The following CD244 variants were observed in gnomAD, a reference collection of about 807,000 sequenced individuals.
CD244 encodes CD244 molecule, also known as natural killer cell receptor 2B4.
CD244 carries 20 observed loss-of-function variants against 45.5 expected under a neutral mutation model. The ratio of observed to expected loss-of-function variants is 0.44; its 90% CI spans 0.31 to 0.64. The LOEUF (loss-of-function observed/expected upper bound fraction) is 0.64. Ranked by LOEUF, CD244 falls within the 30% of genes least tolerant of loss-of-function variation. The probability of loss-of-function intolerance (pLI) is 0.08; values close to 1 mark genes in which losing one functional copy is unlikely to be tolerated. For synonymous variants in CD244, 185 were observed against 160.5 expected, an observed-to-expected ratio of 1.15 and a Z score of -1.15; for missense variants, 407 against 426.9, an observed-to-expected ratio of 0.95 and a Z score of 0.41.
At chr1:160,841,157 G>C in intron 3 of CD244, 53 bp downstream of exon 3, 2 of 1,563,266 alleles carry the variant, frequency 1.3e-6, no homozygotes, top group Admixed American at 3.4e-5. Context: ...CATGAGCCTG[G>C]TTGCGGGGTC....
chr1:160,841,875 C>T lies in CD244; in HGVS notation c.88G>A (p.Val30Ile), dbSNP rs755510845. Residue 30 changes from valine to isoleucine, a missense_variant, in exon 2 of 9, where the codon GTT (valine) becomes ATT (isoleucine). By Grantham distance (29) the Val-to-Ile change is conservative. Coordinates refer to ENST00000368034, the MANE Select transcript of CD244 (RefSeq NM_016382.4). ...TGAAGAGGCACTCCCGAGATGCTAACCACATGGTCAGCTGATCCCTGGCAT... is the reference window on the plus strand; with the variant it reads ...TGAAGAGGCACTCCCGAGATGCTAATCACATGGTCAGCTGATCCCTGGCAT... ...KGCQGSADHV[V>I]SISGVPLQLQ... The T allele has an allele frequency of 6.2e-7, 1 of 1,614,070 alleles. No individual in the cohort carries two copies. Among genetic ancestry groups the T allele is most frequent in the East Asian group, 2.2e-5 (1 of 44,882 alleles).
At chr1:160,839,850 GT>G (rs1313115086) in intron 3 of CD244, among the ~76,000 whole-genome samples, 3 of 152,102 alleles carry the variant, frequency 2.0e-5, no homozygotes, top group Admixed American at 1.3e-4. Context: ...CAAGTTTTCC[GT>G]CTCACTTTTC....
At position 160,862,832 on chromosome 1, in the gene CD244, C is replaced by T. The variant is rs181763130; in HGVS notation, c.-155G>A. On this transcript the variant is annotated 5_prime_UTR_variant, in exon 1 of 9. Coordinates refer to ENST00000368034, the MANE Select transcript of CD244 (RefSeq NM_016382.4). ...AGTTTCCTCAATTAGAGGCTGTTAA[C>T]GCCTGCTGTGAGCTGACAAGGCCAC... The T allele has an allele frequency of 3.0e-3, 1,720 of 582,134 alleles. 5 individuals carry two copies. Among genetic ancestry groups the T allele is most frequent in the Middle Eastern group, 7.5e-3 (16 of 2,122 alleles). 36.1% of individuals were successfully genotyped at this position (582,134 alleles called of 1,614,324 possible). A position where few individuals can be genotyped will look rare whatever the true frequency, so the allele number is the denominator to read the frequency against.
rs376343007 is a variant in CD244 at position 160,854,497 on chromosome 1, C to T, written c.61+8120G>A. 5.3e-4 allele frequency among the ~76,000 whole-genome samples: 81 copies of T among 152,078 alleles called. 1 individual carries two copies. The South Asian group carries it at 0.016, about 29-fold the overall frequency. ...TCCCAGGTTCAAGTGATTCTCCTGT[C>T]TCAGCCTCATGAGTAACTGGGACTA... On this transcript the variant is annotated intron_variant, in intron 1 of 8. Coordinates refer to ENST00000368034, the MANE Select transcript of CD244 (RefSeq NM_016382.4).
At position 160,857,017 on chromosome 1, in the gene CD244, T is replaced by G. The variant is rs563749302; in HGVS notation, c.61+5600A>C. Among the ~76,000 whole-genome samples the G allele has an allele frequency of 1.8e-4, 27 of 152,322 alleles. No individual in the cohort carries two copies. The South Asian group carries it at 5.6e-3, about 32-fold the overall frequency. On this transcript the variant is annotated intron_variant, in intron 1 of 8. Transcript: ENST00000368034. ...AAGGGCTTCATGAATCCGTTTAAATTAATTAATTCAACAATGCATCTCACA... is the reference window on the plus strand; with the variant it reads ...AAGGGCTTCATGAATCCGTTTAAATGAATTAATTCAACAATGCATCTCACA...
At chr1:160,856,403 A>T (rs1162447660) in intron 1 of CD244, among the ~76,000 whole-genome samples, 1 of 152,112 alleles carries the variant, frequency 6.6e-6, no homozygotes, top group Non-Finnish European at 1.5e-5. Context: ...TAACAAGTGC[A>T]TCTCCCTTTC....
chr1:160,845,635 C>A (rs1469937178), intron 1 of CD244, among the ~76,000 whole-genome samples: 1 of 152,158 alleles, frequency 6.6e-6, no homozygotes, highest in Non-Finnish European at 1.5e-5. Flanking sequence ...GTGGATGGAT[C>A]ACCTGACGTC....
At chr1:160,848,563 A>G in intron 1 of CD244, 2 of 395,504 alleles carry the variant, frequency 5.1e-6, no homozygotes, top group East Asian at 6.4e-5. Flanking sequence ...TTCTAGAGAA[A>G]GAAATGCTAC....
chr1:160,844,923 C>T (rs963593836), intron 1 of CD244, among the ~76,000 whole-genome samples: 3 of 151,702 alleles, frequency 2.0e-5, no homozygotes, highest in Non-Finnish European at 4.4e-5. Flanking sequence ...TGCAGTGAGC[C>T]GAGATATCAT....
At chr1:160,858,545 G>T (rs1670188239) in intron 1 of CD244, among the ~76,000 whole-genome samples, 3 of 152,124 alleles carry the variant, frequency 2.0e-5, no homozygotes. Flanking sequence ...TAGGGCCCAG[G>T]CCTATTCCCT....
intron 1 of CD244, among the ~76,000 whole-genome samples, chr1:160,844,772 C>T (rs920904432): frequency 5.3e-5 from 8 of 152,026 alleles, no homozygotes; most frequent in African/African-American, 1.2e-4. Flanking sequence ...GTCGGGAGTT[C>T]GAGACCACCC....
chr1:160,851,150 G>T (rs1451335025), intron 1 of CD244, among the ~76,000 whole-genome samples: 1 of 152,086 alleles, frequency 6.6e-6, no homozygotes, highest in Admixed American at 6.6e-5. Flanking sequence ...TTTTATGGAG[G>T]CCTCAATAAA....
At chr1:160,851,752 A>G (rs1026953350) in intron 1 of CD244, among the ~76,000 whole-genome samples, 2 of 152,164 alleles carry the variant, frequency 1.3e-5, no homozygotes, top group African/African-American at 2.4e-5. Context: ...CATGTTGCCA[A>G]GGCTTGTCTT....
Position 160,834,045 on chromosome 1 carries a change from G to T in CD244, c.960+6C>A, listed in dbSNP as rs1423730524. 5.0e-6 allele frequency: 8 copies of T among 1,604,714 alleles called. No individual in the cohort carries two copies. Among genetic ancestry groups the T allele is most frequent in the Middle Eastern group, 1.7e-4 (1 of 6,030 alleles). On this transcript the variant is annotated splice_donor_region_variant and intron_variant, in intron 7 of 8. Transcript: ENST00000368034. Reference sequence around the variant, plus strand: ...CACCCCACCACCACCACGGGAAGAGGCTCACCTTCCTGGAAGGCTGAATTA... The same window carrying T: ...CACCCCACCACCACCACGGGAAGAGTCTCACCTTCCTGGAAGGCTGAATTA...
At chr1:160,845,363 C>A (rs933116254) in intron 1 of CD244, among the ~76,000 whole-genome samples, 1 of 151,898 alleles carries the variant, frequency 6.6e-6, no homozygotes, top group African/African-American at 2.4e-5. Context: ...GATAAAAATA[C>A]ACAAGAAGGA....
At chr1:160,845,256 C>T (rs1016370198) in intron 1 of CD244, among the ~76,000 whole-genome samples, 1 of 151,742 alleles carries the variant, frequency 6.6e-6, no homozygotes, top group Non-Finnish European at 1.5e-5. Context: ...GTAAAACAAA[C>T]TCAATTGAAA....
At chr1:160,832,887 T>TATAC (rs1157419927) in intron 7 of CD244, among the ~76,000 whole-genome samples, 11 of 143,194 alleles carry the variant, frequency 7.7e-5, no homozygotes, top group African/African-American at 3.0e-4. Flanking sequence ...TATATATATA[T>TATAC]ACACACACAC....
rs530743583 is a variant in CD244, at chr1:160,836,189, A to G, written c.894+6T>C. 2.5e-6 allele frequency: 4 copies of G among 1,610,340 alleles called. No individual in the cohort carries two copies. In the South Asian group the frequency reaches 4.4e-5, roughly 18 times the overall value. On this transcript the variant is annotated splice_donor_region_variant and intron_variant, in intron 6 of 8. Coordinates refer to ENST00000368034, the MANE Select transcript of CD244 (RefSeq NM_016382.4). ...ATGGAATGGACTAGAGAAACTGGAGAGGTACCTGGGACTGGATCATAGAGT... is the reference window on the plus strand; with the variant it reads ...ATGGAATGGACTAGAGAAACTGGAGGGGTACCTGGGACTGGATCATAGAGT...
intron 1 of CD244, among the ~76,000 whole-genome samples, chr1:160,860,248 GC>G (rs1226223878): frequency 2.6e-5 from 4 of 152,188 alleles, no homozygotes; most frequent in Admixed American, 2.6e-4. Flanking sequence ...AAATAAAAAT[GC>G]ATATGATAAC....
Sources: gnomAD v4.1 joint callset for allele counts (sites outside exome capture counted in the v4.1 genomes callset) on GRCh38, gnomAD v4.1.1 for gene constraint, MANE v1.5 for transcripts, NCBI Gene and HGNC (gene_info 2026-07-23, HGNC 2026-07-21) for gene names.